BCLAF3: variants seen among roughly 807,000 people sequenced by gnomAD.
BCLAF3 encodes transient octamer binding factor 1.
A neutral mutation model predicts 51.2 loss-of-function variants in BCLAF3; 24 were observed. That is an observed-to-expected ratio of 0.47 (90% CI 0.34 to 0.66). BCLAF3 has a LOEUF of 0.66. Among genes scored for constraint, BCLAF3 ranks in the 30% least tolerant of loss-of-function variants. BCLAF3 has a pLI of 0.01. For missense variants in BCLAF3, 465 were observed against 525.1 expected (o/e 0.89, Z 1.12); for synonymous variants, 152 against 176.6 (o/e 0.86, Z 1.10).
chrX:19,951,374 G>A (rs1444490017), intron 7 of BCLAF3, among the ~76,000 whole-genome samples: 8 of 109,788 alleles, frequency 7.3e-5, no homozygotes, highest in Non-Finnish European at 1.5e-4. Context: ...AAGGTGGGCA[G>A]ATCATTTGAA....
intron 4 of BCLAF3, among the ~76,000 whole-genome samples, chrX:19,961,367 T>C (rs1304196536): frequency 8.9e-6 from 1 of 112,351 alleles, no homozygotes; most frequent in Non-Finnish European, 1.9e-5. Context: ...GTTTACCTAC[T>C]GCTGTTCTAG....
intron 4 of BCLAF3, among the ~76,000 whole-genome samples, chrX:19,958,046 G>A (rs1027200806): frequency 9.0e-6 from 1 of 111,699 alleles, no homozygotes; most frequent in Admixed American, 9.5e-5. Flanking sequence ...GTTCTCATTT[G>A]AGATGCATTT....
chrX:19,919,337 T>A (rs1474569121), intron 11 of BCLAF3, among the ~76,000 whole-genome samples: 2 of 111,482 alleles, frequency 1.8e-5, no homozygotes, highest in Non-Finnish European at 3.8e-5. Context: ...AAAAATATGA[T>A]TGTTTGCAAC....
chrX:19,950,807 T>C lies in BCLAF3; in HGVS notation c.1691A>G (p.Glu564Gly). 8.3e-7 allele frequency: 1 copy of C among 1,210,946 alleles called. No individual in the cohort carries two copies. Among genetic ancestry groups the C allele is most frequent in the Non-Finnish European group, 1.1e-6 (1 of 894,924 alleles). ...LRHDIERRRK[E>G]RLQNEDEHIF... ...GTGCTCATCTTCATTCTGTAACCGT[T>C]CTTTTCGCCTTCTTTCAATGTCATG... The change falls in exon 8 of 12, where the codon GAA (glutamate) becomes GGA (glycine). Residue 564 changes from glutamate (E) to glycine (G), a missense_variant. Transcript: ENST00000379682.
At chrX:19,986,051 GA>G (rs1478214106) in intron 1 of BCLAF3, among the ~76,000 whole-genome samples, 1 of 110,516 alleles carries the variant, frequency 9.0e-6, no homozygotes, top group Non-Finnish European at 1.9e-5. Flanking sequence ...TGTAGTTTTT[GA>G]AAAAAATAAC....
At chrX:19,989,479 G>C (rs939133294) in intron 1 of BCLAF3, among the ~76,000 whole-genome samples, 1 of 112,193 alleles carries the variant, frequency 8.9e-6, no homozygotes, top group Non-Finnish European at 1.9e-5. Context: ...CTGGGCGACA[G>C]AGTGAGATTC....
chrX:19,924,065 G>A (rs909401156), intron 11 of BCLAF3, among the ~76,000 whole-genome samples: 8 of 110,568 alleles, frequency 7.2e-5, no homozygotes, highest in African/African-American at 9.9e-5. Context: ...CTCCCAAAGC[G>A]CTGGGATTAC....
intron 8 of BCLAF3, among the ~76,000 whole-genome samples, chrX:19,944,498 T>C (rs2071181218): frequency 1.5e-5 from 1 of 68,141 alleles, no homozygotes; most frequent in Non-Finnish European, 2.4e-5. Flanking sequence ...AGCATTTGCT[T>C]GTCTGTAAAG....
chrX:19,981,210 T>A (rs192057706), intron 1 of BCLAF3, among the ~76,000 whole-genome samples: 1,515 of 111,402 alleles, frequency 0.014, 9 homozygotes, highest in Middle Eastern at 0.019. Flanking sequence ...ATACAAAAAT[T>A]AACTCAAAAT....
At position 19,915,973 on chromosome X, in the gene BCLAF3, G is replaced by A. The variant is rs1005915258; in HGVS notation, c.*1332C>T. On this transcript the variant is annotated 3_prime_UTR_variant, in exon 12 of 12. Transcript: ENST00000379682. ...TCTACCCAAATTTATTACCTGCTTA[G>A]CAATGAATCAAGTGCACTTGCCCCC... 9.0e-6 allele frequency: 1 copy of A among 111,667 alleles called. No individual in the cohort carries two copies. The highest frequency in any genetic ancestry group is 1.9e-5 in the Non-Finnish European group (1 of 53,066). The allele number at this position is 111,667 out of a possible 1,213,427, so 9.2% of individuals were successfully genotyped here. A position where few individuals can be genotyped will look rare whatever the true frequency, so the allele number is the denominator to read the frequency against.
chrX:19,979,103 T>C (rs2072526968), intron 1 of BCLAF3, among the ~76,000 whole-genome samples: 1 of 110,719 alleles, frequency 9.0e-6, no homozygotes, highest in Non-Finnish European at 1.9e-5. Context: ...CTACTAAAAA[T>C]ACAAAAATTA....
At position 19,990,964 on chromosome X, in the gene BCLAF3, G is replaced by A. The variant is rs1255145089; in HGVS notation, c.-91C>T. On this transcript the variant is annotated 5_prime_UTR_variant, in exon 1 of 12. Coordinates refer to ENST00000379682, the MANE Select transcript of BCLAF3 (RefSeq NM_001367774.2). ...CGCCGCCGCCGCCGCCGCCGCCGCC[G>A]CCGCCGCCGGCCCCTCGGGCCTCGC... Among the ~76,000 whole-genome samples, 1 of 93,329 alleles carries A rather than the reference G, an allele frequency of 1.1e-5. No individual in the cohort carries two copies. The highest frequency in any genetic ancestry group is 1.1e-4 in the Admixed American group (1 of 9,317). 81.0% of individuals were successfully genotyped at this position (93,329 alleles called of 115,157 possible). A position where few individuals can be genotyped will look rare whatever the true frequency, so the allele number is the denominator to read the frequency against.
intron 2 of BCLAF3, among the ~76,000 whole-genome samples, chrX:19,967,027 C>A (rs914049109): frequency 9.0e-6 from 1 of 111,213 alleles, no homozygotes; most frequent in Non-Finnish European, 1.9e-5. Context: ...AAGCTTACAT[C>A]CAGTTCAAAG....
chrX:19,942,111 T>C (rs1437353457), intron 8 of BCLAF3, among the ~76,000 whole-genome samples: 1 of 72,036 alleles, frequency 1.4e-5, no homozygotes, highest in Non-Finnish European at 2.5e-5. Context: ...GTGATTTTTG[T>C]ACATTGATTT....
chrX:19,946,145 G>A (rs1254403600), intron 8 of BCLAF3, among the ~76,000 whole-genome samples: 11 of 110,708 alleles, frequency 9.9e-5, no homozygotes, highest in African/African-American at 3.0e-4. Context: ...CGCCCGGTGC[G>A]CGCACCCACT....
chrX:19,919,837 A>G (rs1304880173), intron 11 of BCLAF3, among the ~76,000 whole-genome samples: 1 of 99,538 alleles, frequency 1.0e-5, no homozygotes, highest in Non-Finnish European at 2.0e-5. Flanking sequence ...AGCCTGGATG[A>G]CAGAGTGAGA....
chrX:19,948,537 G>A (rs1021293489), intron 8 of BCLAF3, among the ~76,000 whole-genome samples: 1 of 110,265 alleles, frequency 9.1e-6, no homozygotes, highest in Non-Finnish European at 1.9e-5. Context: ...AGACTGAGTC[G>A]GGTAGATCCC....
chrX:19,982,085 C>G (rs1341531026), intron 1 of BCLAF3, among the ~76,000 whole-genome samples: 1 of 112,161 alleles, frequency 8.9e-6, no homozygotes, highest in African/African-American at 3.2e-5. Context: ...AGATTCCACA[C>G]TAAATGTGAA....
chrX:19,926,074 A>C (rs2070345455), intron 11 of BCLAF3, among the ~76,000 whole-genome samples: 1 of 111,940 alleles, frequency 8.9e-6, no homozygotes, highest in Admixed American at 9.5e-5. Flanking sequence ...AGGCACTGAC[A>C]GTAGCCAGAT....
Sources: allele counts gnomAD v4.1 joint callset (sites outside exome capture counted in the v4.1 genomes callset), GRCh38; gene constraint gnomAD v4.1.1; transcripts MANE v1.5; gene names NCBI Gene and HGNC (gene_info 2026-07-23, HGNC 2026-07-21).